Variants in KIAA2012 observed in about 807,000 individuals in gnomAD.
KIAA2012 encodes KIAA2012, also known as uncharacterized protein KIAA2012.
Under a neutral mutation model 150.6 loss-of-function variants are expected in KIAA2012, and 125 were observed. That is an observed-to-expected ratio of 0.83 (90% CI 0.72 to 0.96). KIAA2012 has a LOEUF of 0.96. KIAA2012 is among the 40% of genes least tolerant of loss of function. The pLI is 0.00. For synonymous variants in KIAA2012, 462 were observed against 504.7 expected (o/e 0.92, Z 1.13); for missense variants, 1,219 against 1,354.9 (o/e 0.90, Z 1.57).
chr2:202,102,743 G>A (rs1041049051), intron 7 of KIAA2012, among the ~76,000 whole-genome samples: 6 of 152,162 alleles, frequency 3.9e-5, no homozygotes, highest in African/African-American at 1.4e-4. Flanking sequence ...AGGATTCACA[G>A]GCAGGATTAA....
chr2:202,190,609 T>C, intron 19 of KIAA2012, 116 bp downstream of exon 19: 1 of 757,128 alleles, frequency 1.3e-6, no homozygotes, highest in Non-Finnish European at 2.1e-6. Flanking sequence ...CTCGACCACC[T>C]AATGGTCTTA....
intron 21 of KIAA2012, 80 bp from the exon 22 acceptor site, chr2:202,196,720 A>C: frequency 6.7e-7 from 1 of 1,488,212 alleles, no homozygotes; most frequent in Non-Finnish European, 8.9e-7. Flanking sequence ...CTTCAGAATC[A>C]CAGATTTGAG....
intron 15 of KIAA2012, among the ~76,000 whole-genome samples, chr2:202,166,524 A>G (rs920288488): frequency 1.7e-4 from 26 of 152,134 alleles, no homozygotes; most frequent in African/African-American, 6.3e-4. Flanking sequence ...ATGGTAGCAC[A>G]TGCCTGTAGT....
intron 15 of KIAA2012, among the ~76,000 whole-genome samples, chr2:202,183,476 A>ATTTTT (rs71406950): frequency 2.1e-5 from 2 of 95,840 alleles, no homozygotes; most frequent in Non-Finnish European, 1.9e-5. Context: ...GGTTTTTTAA[A>ATTTTT]TTTTTTTTTT....
chr2:202,099,614 A>T lies in KIAA2012; in HGVS notation c.830A>T (p.Asp277Val). ...GAATGTGTATCTGTCGTTCCCTAGG[A>T]CACGTCAATAGAGAATCACCTTTGT... ...PWQEDETQAE[D>V]TSIENHLCLY... The change falls in exon 6 of 24, where the codon GAC becomes GTC. Residue 277 changes from aspartate (D) to valine (V), a missense_variant and splice_region_variant. Asp to Val is a radical substitution (Grantham distance 152). Transcript: ENST00000498697. 1 of 1,548,484 alleles carries T rather than the reference A, an allele frequency of 6.5e-7. No homozygotes were observed. The highest frequency in any genetic ancestry group is 8.7e-7 in the Non-Finnish European group (1 of 1,145,914).
At chr2:202,189,219 AT>A (rs1553562584) in intron 18 of KIAA2012, among the ~76,000 whole-genome samples, 3 of 151,976 alleles carry the variant, frequency 2.0e-5, no homozygotes, top group Non-Finnish European at 4.4e-5. Flanking sequence ...CTCTCAAGGT[AT>A]GACTTTCCAG....
intron 7 of KIAA2012, among the ~76,000 whole-genome samples, chr2:202,101,923 T>C (rs925339772): frequency 5.3e-5 from 8 of 152,046 alleles, no homozygotes; most frequent in African/African-American, 1.9e-4. Context: ...TCTTTTTGAG[T>C]ACTAAAAAGG....
At chr2:202,129,694 G>A (rs1369750258) in intron 12 of KIAA2012, among the ~76,000 whole-genome samples, 1 of 152,094 alleles carries the variant, frequency 6.6e-6, no homozygotes, top group Non-Finnish European at 1.5e-5. Context: ...GGAGTGGCAC[G>A]GTGTGGTGGC....
intron 21 of KIAA2012, among the ~76,000 whole-genome samples, chr2:202,196,195 T>TTTTC (rs1157008265): frequency 7.6e-6 from 1 of 131,904 alleles, no homozygotes; most frequent in Non-Finnish European, 1.6e-5. Flanking sequence ...TCTTTTTTTT[T>TTTTC]TTTTTTTTTT....
At position 202,203,552 on chromosome 2, in the gene KIAA2012, AC is replaced by A. The variant is rs528040769; in HGVS notation, c.*20+970del. On this transcript the variant is annotated intron_variant, in intron 23 of 23. Coordinates refer to ENST00000498697, the MANE Select transcript of KIAA2012 (RefSeq NM_001277372.4). Reference sequence around the variant, plus strand: ...TGTTAAAACATTCTTCAGCCACAACACCCCCATTTCAAGTGCTCAGTGGTCA... The same window carrying A: ...TGTTAAAACATTCTTCAGCCACAACACCCCATTTCAAGTGCTCAGTGGTCA... 4.0e-5 allele frequency among the ~76,000 whole-genome samples: 6 copies of A among 151,780 alleles called. No homozygotes were observed. In the South Asian group the frequency reaches 1.3e-3, roughly 32 times the overall value.
chr2:202,198,174 C>CAAAAAA (rs1009971980), intron 22 of KIAA2012, among the ~76,000 whole-genome samples: 1 of 67,110 alleles, frequency 1.5e-5, no homozygotes, highest in Non-Finnish European at 2.7e-5. Flanking sequence ...GGCTCTTTCT[C>CAAAAAA]AAAAAAAAAA....
At chr2:202,121,431 T>C (rs1348043798) in intron 11 of KIAA2012, among the ~76,000 whole-genome samples, 1 of 152,176 alleles carries the variant, frequency 6.6e-6, no homozygotes, top group African/African-American at 2.4e-5. Flanking sequence ...AATTCCAATA[T>C]GAAATATGGT....
At chr2:202,107,987 C>T (rs920924961) in intron 9 of KIAA2012, among the ~76,000 whole-genome samples, 6 of 152,054 alleles carry the variant, frequency 3.9e-5, no homozygotes, top group East Asian at 3.9e-4. Flanking sequence ...CCAGCCTGGG[C>T]GACAGAGAGA....
chr2:202,180,673 A>G (rs1484431008), intron 15 of KIAA2012, among the ~76,000 whole-genome samples: 9 of 152,048 alleles, frequency 5.9e-5, no homozygotes, highest in Non-Finnish European at 1.3e-4. Flanking sequence ...AAAATACAAA[A>G]AATTAGCTGG....
intron 2 of KIAA2012, among the ~76,000 whole-genome samples, chr2:202,085,620 C>T (rs11683633): frequency 0.36 from 55,064 of 151,948 alleles, 10,163 homozygotes; most frequent in Admixed American, 0.42. Context: ...GCCAGTGAGA[C>T]CCATTTTGAA....
At chr2:202,190,539 C>G in intron 19 of KIAA2012, 46 bp downstream of exon 19, 1 of 1,375,130 alleles carries the variant, frequency 7.3e-7, no homozygotes, top group South Asian at 1.5e-5. Context: ...TCTGTTCTCA[C>G]TTGGCGCGAC....
intron 5 of KIAA2012, among the ~76,000 whole-genome samples, chr2:202,098,822 A>ATGTGTG (rs1689965033): frequency 9.0e-6 from 1 of 110,676 alleles, no homozygotes; most frequent in African/African-American, 4.7e-5. Context: ...GTGTGTGTGC[A>ATGTGTG]CGCGCGCGCG....
chr2:202,157,665 G>C (rs1691556725), intron 14 of KIAA2012, among the ~76,000 whole-genome samples: 1 of 152,152 alleles, frequency 6.6e-6, no homozygotes. Flanking sequence ...AAGGCATTGA[G>C]AGGCTAAGTA....
chr2:202,169,932 C>G (rs1365649200), intron 15 of KIAA2012, among the ~76,000 whole-genome samples: 2 of 152,198 alleles, frequency 1.3e-5, no homozygotes, highest in African/African-American at 4.8e-5. Context: ...GATGGATCAT[C>G]TCTAGGGCCC....
Sources: allele counts gnomAD v4.1 joint callset (sites outside exome capture counted in the v4.1 genomes callset), GRCh38; gene constraint gnomAD v4.1.1; transcripts MANE v1.5; gene names NCBI Gene and HGNC (gene_info 2026-07-23, HGNC 2026-07-21).